Variants in DIAPH2 observed in about 807,000 individuals in gnomAD.
The protein encoded by DIAPH2 is protein diaphanous homolog 2.
DIAPH2 carries 35 observed loss-of-function variants against 92.7 expected under a neutral mutation model. The ratio of observed to expected loss-of-function variants is 0.38; its 90% confidence interval spans 0.29 to 0.50. The LOEUF is 0.50. DIAPH2 is among the 20% of genes least tolerant of loss of function. The pLI is 0.94. For missense variants in DIAPH2, 701 were observed against 819.5 expected (o/e 0.86, Z 1.77); for synonymous variants, 301 against 280.4 (o/e 1.07, Z -0.73).
intron 26 of DIAPH2, among the ~76,000 whole-genome samples, chrX:97,486,315 C>A (rs753697510): frequency 1.8e-5 from 2 of 111,657 alleles, no homozygotes; most frequent in African/African-American, 6.5e-5. Context: ...CTAAACTTAT[C>A]CTCTAAAGTT....
intron 23 of DIAPH2, among the ~76,000 whole-genome samples, chrX:97,266,865 A>G (rs777314061): frequency 8.9e-6 from 1 of 112,059 alleles, no homozygotes; most frequent in South Asian, 3.7e-4. Flanking sequence ...GCATCTGTCA[A>G]AAATGACACG....
intron 17 of DIAPH2, among the ~76,000 whole-genome samples, chrX:97,010,787 T>G (rs2066220079): frequency 8.9e-6 from 1 of 112,041 alleles, no homozygotes; most frequent in Non-Finnish European, 1.9e-5. Context: ...TATAGATCTT[T>G]CCCATTGTAC....
chrX:97,127,584 T>C (rs1393031570), intron 21 of DIAPH2, among the ~76,000 whole-genome samples: 1 of 112,523 alleles, frequency 8.9e-6, no homozygotes, highest in African/African-American at 3.2e-5. Flanking sequence ...AGCATCTTCT[T>C]AGGACTTTGT....
chrX:96,768,357 C>T lies in DIAPH2; in HGVS notation c.447+10099C>T, dbSNP rs148438945. 6.5e-3 allele frequency among the ~76,000 whole-genome samples: 723 copies of T among 111,861 alleles called. 4 individuals carry two copies. The highest frequency in any genetic ancestry group is 0.023 in the African/African-American group (698 of 30,844). On this transcript the variant is annotated intron_variant, in intron 4 of 26. Transcript: ENST00000324765. ...TCTGAGTTTGAATCCTGATTCACTA[C>T]TCATTCATTCCCTGTGAGCTTGTAA...
chrX:97,173,789 T>A (rs1262794246), intron 22 of DIAPH2, among the ~76,000 whole-genome samples: 1 of 109,029 alleles, frequency 9.2e-6, no homozygotes, highest in African/African-American at 3.3e-5. Context: ...GCTCCTACAG[T>A]CCCAGCTACT....
At chrX:96,785,435 A>G (rs2064447651) in intron 4 of DIAPH2, among the ~76,000 whole-genome samples, 1 of 107,398 alleles carries the variant, frequency 9.3e-6, no homozygotes, top group Admixed American at 1.0e-4. Flanking sequence ...AACATGGTGA[A>G]AGGTGGAAGG....
At chrX:96,735,119 A>G (rs767241365) in intron 1 of DIAPH2, among the ~76,000 whole-genome samples, 1 of 111,813 alleles carries the variant, frequency 8.9e-6, no homozygotes, top group African/African-American at 3.2e-5. Context: ...TTGCTTTAGT[A>G]TTGCTGTACT....
intron 22 of DIAPH2, among the ~76,000 whole-genome samples, chrX:97,185,896 G>C (rs775043381): frequency 6.4e-5 from 7 of 110,007 alleles, no homozygotes; most frequent in Non-Finnish European, 1.3e-4. Context: ...TGAAGTATAG[G>C]TTCCCATCCT....
chrX:97,398,237 G>A (rs987545092), intron 25 of DIAPH2, among the ~76,000 whole-genome samples: 2 of 111,892 alleles, frequency 1.8e-5, no homozygotes, highest in Admixed American at 9.5e-5. Flanking sequence ...TTGTTATACC[G>A]TTCTTTGCAT....
rs2067545757 is a variant in DIAPH2 at position 97,182,166 on chromosome X, A to G, written c.2719+40372A>G. 2.7e-5 allele frequency among the ~76,000 whole-genome samples: 3 copies of G among 111,236 alleles called. No individual in the cohort carries two copies. The South Asian group carries it at 1.1e-3, about 43-fold the overall frequency. Reference sequence around the variant, plus strand: ...GATCTTAGTATGGCTTGTGGGGGCTAGGCATGATAGGAGGAAGAGAAGAGG... The same window carrying G: ...GATCTTAGTATGGCTTGTGGGGGCTGGGCATGATAGGAGGAAGAGAAGAGG... On this transcript the variant is annotated intron_variant, in intron 22 of 26. Transcript: ENST00000324765.
At chrX:97,359,375 A>G (rs1434398351) in intron 24 of DIAPH2, among the ~76,000 whole-genome samples, 1 of 110,219 alleles carries the variant, frequency 9.1e-6, no homozygotes, top group African/African-American at 3.3e-5. Context: ...TAATCTAATC[A>G]CAAAAATTCT....
intron 4 of DIAPH2, among the ~76,000 whole-genome samples, chrX:96,859,681 G>T (rs1235079520): frequency 9.3e-6 from 1 of 107,789 alleles, no homozygotes; most frequent in Non-Finnish European, 1.9e-5. Context: ...TCACTGTGTT[G>T]CCCAGGCTGG....
chrX:97,191,714 T>A (rs935588801), intron 22 of DIAPH2, among the ~76,000 whole-genome samples: 5 of 112,350 alleles, frequency 4.5e-5, no homozygotes, highest in African/African-American at 1.6e-4. Flanking sequence ...AACAAGATAC[T>A]TTTTATACTT....
At chrX:97,370,768 G>C (rs1375240446) in intron 24 of DIAPH2, among the ~76,000 whole-genome samples, 1 of 111,684 alleles carries the variant, frequency 9.0e-6, no homozygotes, top group African/African-American at 3.3e-5. Context: ...ATCAAACTGA[G>C]TAACAAAATA....
In DIAPH2 at chrX:96,826,417, T is replaced by TA. The variant is rs1235195532; in HGVS notation, c.448-55151dup. ...GGGCGACAGAACAAGGCTCTGTCTT[T>TA]AAAAAAAAAAAGAAATGTGGTTTTA... On this transcript the variant is annotated intron_variant, in intron 4 of 26. Coordinates refer to ENST00000324765, the MANE Select transcript of DIAPH2 (RefSeq NM_006729.5). 1.7e-3 allele frequency among the ~76,000 whole-genome samples: 178 copies of TA among 102,846 alleles called. 1 individual carries two copies. Among genetic ancestry groups the TA allele is most frequent in the African/African-American group, 5.1e-3 (146 of 28,426 alleles). 89.3% of individuals were successfully genotyped at this position (102,846 alleles called of 115,157 possible). A position where few individuals can be genotyped will look rare whatever the true frequency, so the allele number is the denominator to read the frequency against.
At chrX:97,500,765 T>C (rs1298361306) in intron 26 of DIAPH2, among the ~76,000 whole-genome samples, 43 of 10,056 alleles carry the variant, frequency 4.3e-3, no homozygotes, top group Non-Finnish European at 2.3e-3. Context: ...TTCAAGGAGA[T>C]ATATATATAT....
intron 20 of DIAPH2, among the ~76,000 whole-genome samples, chrX:97,103,312 G>A (rs1028110740): frequency 2.7e-5 from 3 of 111,469 alleles, no homozygotes; most frequent in Non-Finnish European, 5.6e-5. Context: ...TAGATGGGTG[G>A]ATGGATGAAT....
At chrX:97,558,574 T>C (rs776637119) in intron 26 of DIAPH2, among the ~76,000 whole-genome samples, 1 of 111,614 alleles carries the variant, frequency 9.0e-6, no homozygotes, top group South Asian at 3.7e-4. Flanking sequence ...TACGATCCAC[T>C]GATTTAAGCA....
At chrX:97,325,782 T>A (rs2068946028) in intron 23 of DIAPH2, among the ~76,000 whole-genome samples, 1 of 111,055 alleles carries the variant, frequency 9.0e-6, no homozygotes, top group African/African-American at 3.3e-5. Flanking sequence ...TTTCACTGTG[T>A]TCGCCAGGAT....
Sources: allele counts gnomAD v4.1 joint callset (sites outside exome capture counted in the v4.1 genomes callset), GRCh38; gene constraint gnomAD v4.1.1; transcripts MANE v1.5; gene names NCBI Gene and HGNC (gene_info 2026-07-23, HGNC 2026-07-21).